The following SDK1 variants were observed in gnomAD, a reference collection of about 807,000 sequenced individuals.
SDK1 encodes sidekick cell adhesion molecule 1.
A neutral mutation model predicts 245.5 loss-of-function variants in SDK1; 157 were observed. The ratio of observed to expected loss-of-function variants is 0.64; its 90% CI spans 0.56 to 0.73. The LOEUF (loss-of-function observed/expected upper bound fraction) is 0.73, where lower values mean the gene tolerates loss of function less well. Among genes scored for constraint, SDK1 ranks in the 30% least tolerant of loss-of-function variants. The pLI, the probability that SDK1 is intolerant of heterozygous loss-of-function variation, is 0.00. For missense variants in SDK1, 3,583 were observed against 3,002.3 expected, an observed-to-expected ratio of 1.19 and a Z score of -4.52; for synonymous variants, 1,647 against 1,278.5, an observed-to-expected ratio of 1.29 and a Z score of -6.15.
At chr7:3,811,104 C>T (rs1455335306) in intron 4 of SDK1, among the ~76,000 whole-genome samples, 1 of 152,200 alleles carries the variant, frequency 6.6e-6, no homozygotes, top group East Asian at 1.9e-4. Flanking sequence ...GAACCAGATT[C>T]AGACTTAGCG....
In SDK1 at chr7:3,944,183, C is replaced by G. The variant is rs562694241; in HGVS notation, c.848-6740C>G. Among the ~76,000 whole-genome samples, 95 of 152,348 alleles carry G rather than the reference C, an allele frequency of 6.2e-4. 2 individuals carry two copies. The highest frequency in any genetic ancestry group is 2.4e-4 in the Non-Finnish European group (16 of 68,030). Reference sequence around the variant, plus strand: ...TTATCAACTTTGGATGAAGACATTCCATGATTTAAAGCTTTTCTCTATCAC... The same window carrying G: ...TTATCAACTTTGGATGAAGACATTCGATGATTTAAAGCTTTTCTCTATCAC... On this transcript the variant is annotated intron_variant, in intron 5 of 44. Transcript: ENST00000404826.
chr7:3,821,402 A>G, intron 4 of SDK1, 48 bp from the exon 5 acceptor site: 1 of 1,572,298 alleles, frequency 6.4e-7, no homozygotes, highest in South Asian at 1.2e-5. Context: ...TACAAGTAGG[A>G]AGTTCCCTGG....
intron 1 of SDK1, among the ~76,000 whole-genome samples, chr7:3,432,408 C>T (rs1340644344): frequency 1.3e-5 from 2 of 151,966 alleles, no homozygotes; most frequent in Non-Finnish European, 2.9e-5. Context: ...TTGATTTGTA[C>T]TATGGCAATC....
intron 35 of SDK1, among the ~76,000 whole-genome samples, chr7:4,187,571 G>A (rs951261337): frequency 1.3e-5 from 2 of 152,146 alleles, no homozygotes; most frequent in Non-Finnish European, 2.9e-5. Flanking sequence ...TTCCTAGATG[G>A]GCTTTTAAAT....
intron 5 of SDK1, among the ~76,000 whole-genome samples, chr7:3,908,384 A>G (rs1279667135): frequency 2.6e-5 from 4 of 152,142 alleles, no homozygotes; most frequent in African/African-American, 7.2e-5. Flanking sequence ...ATTCCCCACC[A>G]CGAACCTCGT....
intron 4 of SDK1, among the ~76,000 whole-genome samples, chr7:3,809,430 G>A (rs896414310): frequency 6.6e-6 from 1 of 152,188 alleles, no homozygotes; most frequent in Non-Finnish European, 1.5e-5. Flanking sequence ...CCTGAGATCA[G>A]CTGTGCTCGA....
At chr7:3,485,683 GT>G (rs71552309) in intron 1 of SDK1, among the ~76,000 whole-genome samples, 193 of 38,158 alleles carry the variant, frequency 5.1e-3, no homozygotes, top group Middle Eastern at 0.021. Context: ...TCTTTGGAGG[GT>G]TTTTTTTTTT....
At chr7:3,716,734 GGGT>G (rs1785211896) in intron 4 of SDK1, among the ~76,000 whole-genome samples, 1 of 150,748 alleles carries the variant, frequency 6.6e-6, no homozygotes, top group Non-Finnish European at 1.5e-5. Context: ...ACTTCAGCCT[GGGT>G]GACAAAGTGA....
intron 1 of SDK1, among the ~76,000 whole-genome samples, chr7:3,569,010 T>TC (rs1251139505): frequency 6.6e-6 from 1 of 151,746 alleles, no homozygotes. Flanking sequence ...GCATATGTTT[T>TC]TTTTTTTTTT....
intron 38 of SDK1, among the ~76,000 whole-genome samples, chr7:4,217,057 CA>C (rs1784844513): frequency 4.1e-5 from 1 of 24,406 alleles, no homozygotes; most frequent in African/African-American, 2.3e-4. Flanking sequence ...AGCACCACAC[CA>C]CCCGGAGCAC....
chr7:4,157,976 A>G (rs375902766), intron 30 of SDK1, among the ~76,000 whole-genome samples: 1 of 152,156 alleles, frequency 6.6e-6, no homozygotes, highest in African/African-American at 2.4e-5. Flanking sequence ...AACTCATTTT[A>G]TACTTCGGAT....
chr7:4,036,048 A>G (rs1326802682), intron 17 of SDK1, among the ~76,000 whole-genome samples: 2 of 152,154 alleles, frequency 1.3e-5, no homozygotes, highest in Non-Finnish European at 2.9e-5. Context: ...TGAACATAAC[A>G]TTTTCTACAC....
At chr7:3,332,468 T>C (rs1013752347) in intron 1 of SDK1, among the ~76,000 whole-genome samples, 5 of 152,190 alleles carry the variant, frequency 3.3e-5, no homozygotes, top group African/African-American at 1.2e-4. Context: ...TTGCCCTTTT[T>C]CACATTTCTC....
At chr7:3,646,662 T>C (rs1178129314) in intron 4 of SDK1, among the ~76,000 whole-genome samples, 1 of 152,198 alleles carries the variant, frequency 6.6e-6, no homozygotes, top group African/African-American at 2.4e-5. Context: ...ATTTTTTATG[T>C]TTTTGATTAT....
intron 22 of SDK1, among the ~76,000 whole-genome samples, chr7:4,095,334 C>T (rs1049622323): frequency 6.6e-6 from 1 of 151,512 alleles, no homozygotes. Flanking sequence ...CATATCTGAG[C>T]TCTTCCTCAG....
intron 4 of SDK1, among the ~76,000 whole-genome samples, chr7:3,686,277 T>C (rs1784278478): frequency 6.6e-6 from 1 of 152,182 alleles, no homozygotes; most frequent in East Asian, 1.9e-4. Flanking sequence ...GGTTTCACCA[T>C]GTTGGTCAGG....
chr7:4,085,438 G>T (rs1023550003), intron 22 of SDK1, among the ~76,000 whole-genome samples: 1 of 152,122 alleles, frequency 6.6e-6, no homozygotes, highest in African/African-American at 2.4e-5. Context: ...TAAAGCCACT[G>T]TTCTTTTCTC....
At chr7:4,012,926 T>TTG (rs1191693825) in intron 16 of SDK1, among the ~76,000 whole-genome samples, 1 of 152,186 alleles carries the variant, frequency 6.6e-6, no homozygotes, top group Non-Finnish European at 1.5e-5. Context: ...AGGGCATGTG[T>TTG]TGTTCAATAC....
chr7:3,682,879 C>CA (rs1435162926), intron 4 of SDK1, among the ~76,000 whole-genome samples: 1 of 152,052 alleles, frequency 6.6e-6, no homozygotes, highest in Non-Finnish European at 1.5e-5. Flanking sequence ...GCTGGGACTA[C>CA]AGGGGCCTGC....
Sources: allele counts gnomAD v4.1 joint callset (sites outside exome capture counted in the v4.1 genomes callset), GRCh38; gene constraint gnomAD v4.1.1; transcripts MANE v1.5; gene names NCBI Gene and HGNC (gene_info 2026-07-23, HGNC 2026-07-21).